GET1: variants seen among roughly 807,000 people sequenced by gnomAD.
The protein encoded by GET1 is guided entry of tail-anchored proteins factor 1, also known as congenital heart disease 5 protein.
In GET1, 20 loss-of-function variants were observed where a neutral mutation model predicts 22.6. That is an observed-to-expected ratio of 0.89 (90% CI 0.62 to 1.29). GET1 has a LOEUF of 1.29. GET1 is among the 50% of genes most tolerant of loss of function. GET1 has a pLI of 0.00. For synonymous variants in GET1, 92 were observed against 83.8 expected, an observed-to-expected ratio of 1.10 and a Z score of -0.53; for missense variants, 209 against 219.9, an observed-to-expected ratio of 0.95 and a Z score of 0.31.
At chr21:39,380,591 A>G (rs1223279642) in intron 1 of GET1, 105 bp downstream of exon 1, 1 of 1,520,072 alleles carries the variant, frequency 6.6e-7, no homozygotes, top group Non-Finnish European at 8.8e-7. Context: ...TGAAGGCCGT[A>G]GTAGCGTCTT....
intron 4 of GET1, among the ~76,000 whole-genome samples, chr21:39,393,816 A>G (rs2038465436): frequency 2.0e-5 from 3 of 151,792 alleles, no homozygotes; most frequent in Non-Finnish European, 4.4e-5. Context: ...CGCCCAGCTA[A>G]TTTTTGTATT....
At chr21:39,382,462 CTG>C (rs1274485883) in intron 1 of GET1, among the ~76,000 whole-genome samples, 1 of 152,216 alleles carries the variant, frequency 6.6e-6, no homozygotes, top group Admixed American at 6.5e-5. Flanking sequence ...CTTTCTGCCT[CTG>C]TGAATTTGAC....
intron 4 of GET1, among the ~76,000 whole-genome samples, chr21:39,403,405 C>T (rs2038889543): frequency 6.6e-6 from 1 of 152,128 alleles, no homozygotes; most frequent in Non-Finnish European, 1.5e-5. Flanking sequence ...CGGCTCACTG[C>T]AAGCTCCGCC....
chr21:39,409,478 G>T (rs1490150351), downstream of GET1, among the ~76,000 whole-genome samples: 1 of 152,168 alleles, frequency 6.6e-6, no homozygotes. This position sits in a 1 kb window ranked among gnomAD's most constrained non-coding sequence, Gnocchi z 4.2. Context: ...AGGGCGAGGG[G>T]ATATGATTGT....
At chr21:39,392,439 C>T (rs999894456) in intron 3 of GET1, among the ~76,000 whole-genome samples, 5 of 152,128 alleles carry the variant, frequency 3.3e-5, no homozygotes, top group African/African-American at 1.2e-4. Flanking sequence ...GATTCAAGCC[C>T]ACCCCCAAAA....
At chr21:39,428,049 T>C in intron 1 of GET1, 2 of 658,324 alleles carry the variant, frequency 3.0e-6, no homozygotes, top group Non-Finnish European at 5.5e-6. Flanking sequence ...AGTTCACCTA[T>C]AATACACATT....
At chr21:39,406,087 A>G (rs2039035274) in exon 5 of GET1, 2 of 1,614,180 alleles carry the variant, frequency 1.2e-6, no homozygotes, top group African/African-American at 1.3e-5. Context: ...GCCTGATCCA[A>G]AGAGTTCTTC....
intron 1 of GET1, among the ~76,000 whole-genome samples, chr21:39,389,399 G>A (rs942899692): frequency 4.0e-5 from 6 of 151,808 alleles, no homozygotes; most frequent in East Asian, 1.9e-4. Context: ...CTCCCACCCC[G>A]GCCTCCAGAG....
intron 1 of GET1, chr21:39,380,850 C>T (rs1017847757): frequency 1.0e-6 from 1 of 984,316 alleles, no homozygotes; most frequent in African/African-American, 1.8e-5. Context: ...TCCCAGAGGC[C>T]TGGCGGGCGA....
intron 1 of GET1, among the ~76,000 whole-genome samples, chr21:39,383,106 A>G (rs1020399988): frequency 2.0e-5 from 3 of 151,502 alleles, no homozygotes; most frequent in East Asian, 3.9e-4. Flanking sequence ...GCCCACCACC[A>G]CCACAACCGG....
intron 1 of GET1, among the ~76,000 whole-genome samples, chr21:39,418,057 C>G (rs58734525): frequency 2.0e-5 from 3 of 151,952 alleles, no homozygotes; most frequent in Non-Finnish European, 2.9e-5. Flanking sequence ...TGAGCCACCG[C>G]GCCCAGCGGG....
chr21:39,390,594 G>A (rs986071374), intron 1 of GET1, 104 bp from the exon 2 acceptor site: 33 of 1,453,558 alleles, frequency 2.3e-5, no homozygotes, highest in Non-Finnish European at 3.0e-5. Context: ...ACAACTGGCT[G>A]GGTCACAGAG....
chr21:39,411,998 T>C (rs750311152), intron 1 of GET1, among the ~76,000 whole-genome samples: 4 of 152,222 alleles, frequency 2.6e-5, no homozygotes, highest in African/African-American at 4.8e-5. Context: ...AAGTGACACA[T>C]TATTGTGATC....
At chr21:39,419,112 A>G (rs1194679476) in intron 1 of GET1, among the ~76,000 whole-genome samples, 2 of 152,172 alleles carry the variant, frequency 1.3e-5, no homozygotes, top group Admixed American at 6.5e-5. Context: ...ATAATTCATC[A>G]GATGAATTAT....
chr21:39,423,345 A>T (rs141251948), intron 1 of GET1: 1 of 1,612,820 alleles, frequency 6.2e-7, no homozygotes, highest in East Asian at 2.2e-5. Flanking sequence ...CAGCTAATTC[A>T]TTTTTTAGTC....
downstream of GET1, among the ~76,000 whole-genome samples, chr21:39,399,866 C>T (rs954869715): frequency 6.6e-6 from 1 of 151,660 alleles, no homozygotes; most frequent in Non-Finnish European, 1.5e-5. Context: ...TATGGTAAAT[C>T]AAGCAGGGAA....
chr21:39,406,440 T>A (rs777197200), exon 5 of GET1: 13 of 1,614,010 alleles, frequency 8.1e-6, no homozygotes, highest in African/African-American at 1.3e-5. Flanking sequence ...CTAGAACATC[T>A]TCTTGATTGC....
chr21:39,384,505 C>T (rs1415609516), intron 1 of GET1, among the ~76,000 whole-genome samples: 1 of 151,854 alleles, frequency 6.6e-6, no homozygotes, highest in African/African-American at 2.4e-5. Context: ...GGTGATCCAC[C>T]TGCCTCAGCC....
intron 1 of GET1, among the ~76,000 whole-genome samples, chr21:39,418,336 C>T (rs942143377): frequency 6.6e-6 from 1 of 152,114 alleles, no homozygotes; most frequent in Non-Finnish European, 1.5e-5. Context: ...CAAGATTCTT[C>T]ATTGCTGTTT....
Sources: gnomAD v4.1 joint callset for allele counts (sites outside exome capture counted in the v4.1 genomes callset) on GRCh38, gnomAD v4.1.1 for gene constraint, Gnocchi (gnomAD v3.1) non-coding constraint, MANE v1.5 for transcripts, NCBI Gene and HGNC (gene_info 2026-07-23, HGNC 2026-07-21) for gene names.